PCDH11X: variants seen among roughly 807,000 people sequenced by gnomAD.
PCDH11X encodes the protein protocadherin-11 X-linked.
Under a neutral mutation model 53.3 loss-of-function variants are expected in PCDH11X, and 18 were observed. The ratio of observed to expected loss-of-function variants is 0.34; its 90% CI spans 0.23 to 0.50. The LOEUF (loss-of-function observed/expected upper bound fraction) is 0.50, where lower values mean the gene tolerates loss of function less well. Ranked by LOEUF, PCDH11X falls within the 20% of genes least tolerant of loss-of-function variation. PCDH11X has a pLI of 0.98. For synonymous variants in PCDH11X, 279 were observed against 393.3 expected, an observed-to-expected ratio of 0.71 and a Z score of 3.44; for missense variants, 570 against 1,032.4, an observed-to-expected ratio of 0.55 and a Z score of 6.14.
chrX:92,152,526 T>C (rs369211206), intron 6 of PCDH11X, among the ~76,000 whole-genome samples: 2 of 112,000 alleles, frequency 1.8e-5, no homozygotes, highest in East Asian at 5.6e-4. Flanking sequence ...TAAGACAATG[T>C]ACTTTAGAAT....
chrX:92,486,473 T>G (rs1158012853), intron 10 of PCDH11X, among the ~76,000 whole-genome samples: 2 of 111,601 alleles, frequency 1.8e-5, no homozygotes, highest in East Asian at 5.6e-4. Flanking sequence ...TTGCAATAAA[T>G]GACTGCAAAA....
chrX:92,247,687 C>G (rs1335613613), intron 7 of PCDH11X, among the ~76,000 whole-genome samples: 1 of 111,872 alleles, frequency 8.9e-6, no homozygotes, highest in Non-Finnish European at 1.9e-5. Flanking sequence ...ACATGGCCTT[C>G]TCTTCATGTG....
intron 8 of PCDH11X, among the ~76,000 whole-genome samples, chrX:92,365,854 G>A (rs1423816620): frequency 9.2e-6 from 1 of 108,979 alleles, no homozygotes; most frequent in East Asian, 2.9e-4. Flanking sequence ...TGGTGGATAA[G>A]CTTTTTGATG....
chrX:91,860,816 C>G (rs1249400754), intron 5 of PCDH11X, among the ~76,000 whole-genome samples: 1 of 112,046 alleles, frequency 8.9e-6, no homozygotes, highest in Non-Finnish European at 1.9e-5. Flanking sequence ...ATAAAGCTGA[C>G]TTGATCGTGG....
chrX:92,475,144 G>A (rs1187893851), intron 10 of PCDH11X, among the ~76,000 whole-genome samples: 5 of 71,350 alleles, frequency 7.0e-5, no homozygotes, highest in Non-Finnish European at 9.2e-5. Flanking sequence ...CAGCCTGGGC[G>A]ACAGAGCGAG....
At chrX:92,527,421 T>TA (rs1445929489) in intron 10 of PCDH11X, among the ~76,000 whole-genome samples, 2 of 110,766 alleles carry the variant, frequency 1.8e-5, no homozygotes, top group Non-Finnish European at 1.9e-5. Flanking sequence ...AAAAATTAAA[T>TA]AAAAAATTAG....
At chrX:92,145,368 G>C (rs2065252346) in intron 6 of PCDH11X, among the ~76,000 whole-genome samples, 2 of 110,531 alleles carry the variant, frequency 1.8e-5, no homozygotes, top group South Asian at 7.7e-4. Flanking sequence ...TGGTCTGTGA[G>C]TAGAAAACTA....
chrX:92,275,151 T>C (rs376650520), intron 8 of PCDH11X, among the ~76,000 whole-genome samples: 4 of 100,342 alleles, frequency 4.0e-5, no homozygotes, highest in East Asian at 6.0e-4. Flanking sequence ...AGTGGCAGCC[T>C]CTGCACGCAG....
intron 6 of PCDH11X, chrX:92,113,900 A>T: frequency 1.7e-6 from 2 of 1,201,627 alleles, no homozygotes; most frequent in Non-Finnish European, 2.2e-6. Context: ...CCACGGCTTA[A>T]CATTTCGTCA....
chrX:91,996,509 T>G (rs1258856815), intron 6 of PCDH11X, among the ~76,000 whole-genome samples: 1 of 50,194 alleles, frequency 2.0e-5, no homozygotes, highest in African/African-American at 8.8e-5. Flanking sequence ...TGTACCTCTG[T>G]GGTTAACTTA....
chrX:91,983,876 G>T (rs1471846415), intron 6 of PCDH11X, among the ~76,000 whole-genome samples: 1 of 110,644 alleles, frequency 9.0e-6, no homozygotes, highest in Non-Finnish European at 1.9e-5. Context: ...ATAGAAAATT[G>T]CTCATATTTA....
intron 6 of PCDH11X, among the ~76,000 whole-genome samples, chrX:92,190,309 T>C (rs2066172912): frequency 9.0e-6 from 1 of 111,582 alleles, no homozygotes; most frequent in Non-Finnish European, 1.9e-5. Context: ...CAGCACCATT[T>C]ATTAAATAGG....
At chrX:92,010,103 C>A (rs1002788540) in intron 6 of PCDH11X, among the ~76,000 whole-genome samples, 3 of 111,082 alleles carry the variant, frequency 2.7e-5, no homozygotes, top group Non-Finnish European at 5.7e-5. Context: ...TTAACAAATC[C>A]TTTGATTATA....
chrX:92,380,213 C>G (rs1464307811), intron 8 of PCDH11X, among the ~76,000 whole-genome samples: 6 of 103,993 alleles, frequency 5.8e-5, no homozygotes, highest in Non-Finnish European at 1.2e-4. Context: ...GATCCAGTGC[C>G]CACGCTGGCA....
At chrX:92,232,862 C>T (rs1416173467) in intron 7 of PCDH11X, among the ~76,000 whole-genome samples, 3 of 111,415 alleles carry the variant, frequency 2.7e-5, no homozygotes, top group Non-Finnish European at 3.8e-5. Flanking sequence ...ACTATAGGCG[C>T]CCGCCACCAC....
At chrX:92,264,249 A>G (rs1212430612) in intron 8 of PCDH11X, among the ~76,000 whole-genome samples, 1 of 111,968 alleles carries the variant, frequency 8.9e-6, no homozygotes, top group Non-Finnish European at 1.9e-5. Flanking sequence ...AATGTTTGAG[A>G]GATAAACTAA....
intron 7 of PCDH11X, among the ~76,000 whole-genome samples, chrX:92,235,507 G>T (rs1277219585): frequency 1.8e-5 from 2 of 111,385 alleles, no homozygotes; most frequent in Admixed American, 1.9e-4. Context: ...TTCCAAATTT[G>T]TTTTTTGTAG....
intron 6 of PCDH11X, among the ~76,000 whole-genome samples, chrX:92,173,215 C>CATCTAAAATCAAA (rs2065850413): frequency 9.0e-6 from 1 of 111,534 alleles, no homozygotes; most frequent in African/African-American, 3.3e-5. Flanking sequence ...GATGACATGT[C>CATCTAAAATCAAA]CTAAGAGTCT....
chrX:92,273,273 G>A (rs900682221), intron 8 of PCDH11X, among the ~76,000 whole-genome samples: 1 of 110,396 alleles, frequency 9.1e-6, no homozygotes. Flanking sequence ...TCTCTGGTGG[G>A]CAGGGGCGGG....
Sources: allele counts gnomAD v4.1 joint callset (sites outside exome capture counted in the v4.1 genomes callset), GRCh38; gene constraint gnomAD v4.1.1; transcripts MANE v1.5; gene names NCBI Gene and HGNC (gene_info 2026-07-23, HGNC 2026-07-21).